FHOD3: variants seen among roughly 807,000 people sequenced by gnomAD.
FHOD3 encodes the protein FH1/FH2 domain-containing protein 3.
A neutral mutation model predicts 173.0 loss-of-function variants in FHOD3; 90 were observed. The observed-to-expected ratio is 0.52, with a 90% confidence interval of 0.44 to 0.62. FHOD3 has a LOEUF of 0.62. Ranked by LOEUF, FHOD3 falls within the 20% of genes least tolerant of loss-of-function variation. The pLI is 0.00. For synonymous variants in FHOD3, 828 were observed against 823.0 expected, an observed-to-expected ratio of 1.01 and a Z score of -0.10; for missense variants, 1,945 against 2,034.7, an observed-to-expected ratio of 0.96 and a Z score of 0.85.
rs529011588 is a variant in FHOD3 at position 36,715,848 on chromosome 18, A to G, written c.2534-1984A>G. 1.4e-4 allele frequency among the ~76,000 whole-genome samples: 22 copies of G among 152,328 alleles called. No homozygotes were observed. The South Asian group carries it at 3.3e-3, about 23-fold the overall frequency. ...AGAAGATATGGTTTGAGTAAAGACA[A>G]GAGGTCAAGGATAAAATTGTGTGAT... On this transcript the variant is annotated intron_variant, in intron 18 of 28. Coordinates refer to ENST00000590592, the MANE Select transcript of FHOD3 (RefSeq NM_001281740.3).
chr18:36,580,774 C>G (rs1390334742), intron 6 of FHOD3, among the ~76,000 whole-genome samples: 1 of 152,228 alleles, frequency 6.6e-6, no homozygotes, highest in African/African-American at 2.4e-5. Flanking sequence ...CTTAAACATA[C>G]AGTTTGGTCA....
chr18:36,520,265 A>T (rs1391431188), intron 5 of FHOD3, among the ~76,000 whole-genome samples: 2 of 152,216 alleles, frequency 1.3e-5, no homozygotes, highest in South Asian at 2.1e-4. Flanking sequence ...AGCCTCTTTC[A>T]AGTTGTAATT....
chr18:36,349,283 GT>G (rs1395425610), intron 1 of FHOD3, among the ~76,000 whole-genome samples: 1 of 152,190 alleles, frequency 6.6e-6, no homozygotes, highest in Admixed American at 6.5e-5. Flanking sequence ...GGCAGCCCCA[GT>G]CTCTGCCAGG....
intron 5 of FHOD3, among the ~76,000 whole-genome samples, chr18:36,573,559 T>C (rs548010529): frequency 3.0e-4 from 45 of 152,296 alleles, no homozygotes; most frequent in African/African-American, 1.1e-3. Context: ...TGAGCCATGA[T>C]GGCACCACTG....
At chr18:36,711,990 G>C (rs1174024855) in intron 18 of FHOD3, among the ~76,000 whole-genome samples, 1 of 152,202 alleles carries the variant, frequency 6.6e-6, no homozygotes, top group Non-Finnish European at 1.5e-5. Context: ...GAAGATGCCA[G>C]TGAGGCCAAG....
Position 36,625,739 on chromosome 18 carries a change from C to A in FHOD3, c.1186C>A (p.Leu396Met). ...PSFKPNQVRD[L>M]REKEEEEEEE... ...CTTCAAGCCCAACCAAGTGCGAGAT[C>A]TGCGTGAAAAGTAAGCATTAACTTG... Residue 396 changes from leucine to methionine, a missense_variant, in exon 10 of 29, where the codon CTG becomes ATG. Around this residue, in one of 5 missense-constraint regions of FHOD3, gnomAD observed 1,099 missense variants for 1,051.2 expected, o/e 1.05. Coordinates refer to ENST00000590592, the MANE Select transcript of FHOD3 (RefSeq NM_001281740.3). 4 of 1,607,612 alleles carry A rather than the reference C, an allele frequency of 2.5e-6. No homozygotes were observed. The highest frequency in any genetic ancestry group is 3.4e-6 in the Non-Finnish European group (4 of 1,176,104).
intron 2 of FHOD3, among the ~76,000 whole-genome samples, chr18:36,361,041 G>C (rs1219082178): frequency 2.0e-5 from 3 of 152,098 alleles, no homozygotes; most frequent in African/African-American, 7.2e-5. Context: ...GGTGCAGAAG[G>C]GAAGAAAGGT....
At chr18:36,307,801 G>T (rs889153552) in intron 1 of FHOD3, among the ~76,000 whole-genome samples, 1 of 152,186 alleles carries the variant, frequency 6.6e-6, no homozygotes, top group Non-Finnish European at 1.5e-5. Flanking sequence ...GTCACAGAAT[G>T]AACACATGGA....
chr18:36,535,356 G>A (rs748517539), intron 5 of FHOD3, among the ~76,000 whole-genome samples: 1 of 152,194 alleles, frequency 6.6e-6, no homozygotes, highest in South Asian at 2.1e-4. Flanking sequence ...CAAGGGCTGG[G>A]CAAAGCTTCC....
chr18:36,552,004 T>A (rs1345152044), intron 5 of FHOD3, among the ~76,000 whole-genome samples: 1 of 152,196 alleles, frequency 6.6e-6, no homozygotes, highest in Admixed American at 6.5e-5. Flanking sequence ...CCATATGAAC[T>A]TTAAAGTAGT....
At chr18:36,453,487 G>A (rs2051984752) in intron 3 of FHOD3, among the ~76,000 whole-genome samples, 2 of 152,218 alleles carry the variant, frequency 1.3e-5, no homozygotes, top group South Asian at 4.1e-4. Flanking sequence ...TTTTACAGTG[G>A]GCGTATGCCC....
intron 2 of FHOD3, among the ~76,000 whole-genome samples, chr18:36,368,864 G>A (rs2146007494): frequency 1.3e-5 from 2 of 152,196 alleles, no homozygotes; most frequent in East Asian, 3.9e-4. Flanking sequence ...CACAAGAACA[G>A]CATGGGGGAA....
chr18:36,774,065 A>G (rs1232745829), intron 28 of FHOD3, among the ~76,000 whole-genome samples: 1 of 152,212 alleles, frequency 6.6e-6, no homozygotes, highest in Non-Finnish European at 1.5e-5. Flanking sequence ...GTTTAGGTAG[A>G]TTGTCCCAGA....
chr18:36,662,665 G>A (rs922701375), intron 14 of FHOD3, among the ~76,000 whole-genome samples: 4 of 152,034 alleles, frequency 2.6e-5, no homozygotes, highest in African/African-American at 4.8e-5. Context: ...GAGTAATAAT[G>A]GATAATAAGG....
intron 1 of FHOD3, among the ~76,000 whole-genome samples, chr18:36,350,896 G>T (rs1466799283): frequency 6.6e-6 from 1 of 152,138 alleles, no homozygotes; most frequent in African/African-American, 2.4e-5. Flanking sequence ...CTATTAATTT[G>T]CTTATTAAAA....
intron 3 of FHOD3, among the ~76,000 whole-genome samples, chr18:36,403,129 C>A (rs2048905426): frequency 6.6e-6 from 1 of 152,172 alleles, no homozygotes; most frequent in Non-Finnish European, 1.5e-5. Context: ...AGAGCTGCAG[C>A]AGGCCCCAGC....
chr18:36,742,283 G>A (rs1241885846), intron 21 of FHOD3, among the ~76,000 whole-genome samples: 2 of 152,166 alleles, frequency 1.3e-5, no homozygotes, highest in African/African-American at 2.4e-5. Context: ...AGGCTGCCAG[G>A]TGGCTAGCCG....
In FHOD3 at chr18:36,628,712, A is replaced by G. The variant is rs73949805; in HGVS notation, c.1196+2963A>G. Among the ~76,000 whole-genome samples, 645 of 152,300 alleles carry G rather than the reference A, an allele frequency of 4.2e-3. 7 individuals carry two copies. Among genetic ancestry groups the G allele is most frequent in the African/African-American group, 0.015 (610 of 41,558 alleles). On this transcript the variant is annotated intron_variant, in intron 10 of 28. Coordinates refer to ENST00000590592, the MANE Select transcript of FHOD3 (RefSeq NM_001281740.3). ...AGTTTACAAATTTCATTGGAAGGGG[A>G]AAAAATCTTAGTGCTAGAAAGTTCT... is the stretch of plus-strand genomic sequence containing the variant.
chr18:36,483,181 G>A (rs1200480412), intron 3 of FHOD3, among the ~76,000 whole-genome samples: 2 of 152,168 alleles, frequency 1.3e-5, no homozygotes, highest in African/African-American at 2.4e-5. Flanking sequence ...GTGTTTGAAG[G>A]CCAGTCACAA....
Sources: allele counts gnomAD v4.1 joint callset (sites outside exome capture counted in the v4.1 genomes callset), GRCh38; gene constraint gnomAD v4.1.1; regional missense constraint gnomAD v4.1.1; transcripts MANE v1.5; gene names NCBI Gene and HGNC (gene_info 2026-07-23, HGNC 2026-07-21).